DACH1: variants seen among roughly 807,000 people sequenced by gnomAD.
DACH1 encodes the protein dachshund family transcription factor 1.
A neutral mutation model predicts 54.2 loss-of-function variants in DACH1; 12 were observed. The ratio of observed to expected loss-of-function variants is 0.22; its 90% CI spans 0.14 to 0.36. DACH1 has a LOEUF of 0.36. Ranked by LOEUF, DACH1 falls within the 10% of genes least tolerant of loss-of-function variation. DACH1 has a pLI of 1.00. For synonymous variants in DACH1, 386 were observed against 366.2 expected (o/e 1.05, Z -0.62); for missense variants, 805 against 929.8 (o/e 0.87, Z 1.75).
chr13:71,856,797 G>C (rs1021707763), intron 1 of DACH1, among the ~76,000 whole-genome samples: 4 of 151,824 alleles, frequency 2.6e-5, no homozygotes, highest in Admixed American at 6.6e-5. Context: ...AATTTAACTG[G>C]ATCTTTACTA....
intron 1 of DACH1, among the ~76,000 whole-genome samples, chr13:71,775,748 A>C (rs1566492795): frequency 6.6e-6 from 1 of 152,152 alleles, no homozygotes; most frequent in Non-Finnish European, 1.5e-5. Context: ...ACTGAATTTA[A>C]ATTTTTTGTT....
intron 1 of DACH1, among the ~76,000 whole-genome samples, chr13:71,792,116 G>A (rs1886858317): frequency 6.6e-6 from 1 of 151,898 alleles, no homozygotes; most frequent in African/African-American, 2.4e-5. Flanking sequence ...CCGGATTGTG[G>A]TATTGAGACC....
intron 1 of DACH1, among the ~76,000 whole-genome samples, chr13:71,780,650 A>G (rs531773807): frequency 2.2e-4 from 33 of 152,190 alleles, no homozygotes; most frequent in African/African-American, 7.5e-4. Flanking sequence ...CATCTCAAAA[A>G]AAAAAAAAAA....
rs113024451 is a variant in DACH1, at chr13:71,810,881, C to T, written c.848+55041G>A. Among the ~76,000 whole-genome samples, 1,051 of 152,210 alleles carry T rather than the reference C, an allele frequency of 6.9e-3. 10 individuals are homozygous for T. Among genetic ancestry groups the T allele is most frequent in the African/African-American group, 0.022 (917 of 41,542 alleles). On this transcript the variant is annotated intron_variant, in intron 1 of 10. Transcript: ENST00000613252. Reference sequence around the variant, plus strand: ...TTAATTTGTGTGTTTTGCTTAGTTGCTAATTCCCAAAATACTGTAATCTGC... The same window carrying T: ...TTAATTTGTGTGTTTTGCTTAGTTGTTAATTCCCAAAATACTGTAATCTGC...
At chr13:71,791,563 T>C (rs1027637096) in intron 1 of DACH1, among the ~76,000 whole-genome samples, 1 of 152,082 alleles carries the variant, frequency 6.6e-6, no homozygotes, top group Non-Finnish European at 1.5e-5. Flanking sequence ...TGTGTATTTT[T>C]AGTAGACATG....
At chr13:71,725,557 C>T (rs543927367) in intron 1 of DACH1, among the ~76,000 whole-genome samples, 13 of 152,000 alleles carry the variant, frequency 8.6e-5, no homozygotes, top group African/African-American at 2.2e-4. Flanking sequence ...TGCTAAATAT[C>T]TTAAAATTTG....
At chr13:71,668,994 T>A (rs893137366) in intron 2 of DACH1, among the ~76,000 whole-genome samples, 1 of 152,138 alleles carries the variant, frequency 6.6e-6, no homozygotes, top group Non-Finnish European at 1.5e-5. Context: ...AAAGAACCCA[T>A]AATTCCCAGA....
chr13:71,556,872 T>C (rs1404086664), intron 6 of DACH1, 152 bp downstream of exon 6: 2 of 717,878 alleles, frequency 2.8e-6, no homozygotes, highest in East Asian at 6.8e-5. Flanking sequence ...GTTGAATGAA[T>C]AGGTTTAATT....
chr13:71,591,239 T>A (rs1488069311), intron 3 of DACH1, among the ~76,000 whole-genome samples: 1 of 152,042 alleles, frequency 6.6e-6, no homozygotes, highest in East Asian at 1.9e-4. Context: ...TTCCACTGAC[T>A]ATAAGCAATT....
intron 3 of DACH1, among the ~76,000 whole-genome samples, chr13:71,616,705 C>T (rs915642663): frequency 1.3e-5 from 2 of 151,880 alleles, no homozygotes; most frequent in African/African-American, 4.8e-5. Flanking sequence ...CACTGCACTC[C>T]AGCCTGAATG....
intron 1 of DACH1, among the ~76,000 whole-genome samples, chr13:71,682,135 G>A (rs1005648240): frequency 1.3e-5 from 2 of 152,094 alleles, no homozygotes; most frequent in East Asian, 1.9e-4. Context: ...CCTGCACCTC[G>A]TTACCTGCTT....
At chr13:71,471,489 G>C (rs1011423738) in intron 10 of DACH1, among the ~76,000 whole-genome samples, 1 of 152,032 alleles carries the variant, frequency 6.6e-6, no homozygotes, top group African/African-American at 2.4e-5. Context: ...GGCCAGGAGC[G>C]GTGGCTCACG....
chr13:71,520,134 T>C (rs1315895861), intron 6 of DACH1, among the ~76,000 whole-genome samples: 2 of 151,210 alleles, frequency 1.3e-5, no homozygotes, highest in Non-Finnish European at 3.0e-5. Context: ...GAAGTCAAAT[T>C]TGGGTTTCTT....
intron 1 of DACH1, among the ~76,000 whole-genome samples, chr13:71,684,823 CA>C (rs1187807328): frequency 1.3e-5 from 2 of 152,002 alleles, no homozygotes; most frequent in African/African-American, 2.4e-5. Context: ...CCATTTCTCC[CA>C]AATCCTTCAA....
intron 3 of DACH1, among the ~76,000 whole-genome samples, chr13:71,580,694 T>G (rs1327744429): frequency 6.6e-6 from 1 of 152,170 alleles, no homozygotes; most frequent in Non-Finnish European, 1.5e-5. Context: ...ATTTAAGTAT[T>G]AATTTATCTC....
rs1203904859 is a variant in DACH1, at chr13:71,559,948, A to T, written c.1307T>A (p.Val436Asp). Residue 436 changes from valine (V) to aspartate (D), a missense_variant, in exon 5 of 11, where the codon GTT becomes GAT. Val to Asp is a radical substitution (Grantham distance 152). Coordinates refer to ENST00000613252, the MANE Select transcript of DACH1 (RefSeq NM_080759.6). The part of the protein sequence containing the change: ...RVETSVIKER[V>D]PDSPSPAPSL... ...GGGGGCAGGTGAGGGGCTATCAGGA[A>T]CACGCTCCTGCACCAGCAAGAGAGG... 6.4e-7 allele frequency: 1 copy of T among 1,574,628 alleles called. No individual in the cohort carries two copies. Among genetic ancestry groups the T allele is most frequent in the Non-Finnish European group, 8.6e-7 (1 of 1,161,816 alleles).
At chr13:71,804,343 A>G (rs911175886) in intron 1 of DACH1, among the ~76,000 whole-genome samples, 2 of 152,118 alleles carry the variant, frequency 1.3e-5, no homozygotes, top group Non-Finnish European at 2.9e-5. Flanking sequence ...ATGCTACTAT[A>G]GGAGACAGCA....
At position 71,496,261 on chromosome 13, in the gene DACH1, G is replaced by GTATA. The variant is rs35142229; in HGVS notation, c.1571-7117_1571-7114dup. ...TCCCAAAAAACAAAAAAATTGCTAT[G>GTATA]TATATATATATATATATATATATAT... On this transcript the variant is annotated intron_variant, in intron 6 of 10. Coordinates refer to ENST00000613252, the MANE Select transcript of DACH1 (RefSeq NM_080759.6). 7.1e-3 allele frequency among the ~76,000 whole-genome samples: 264 copies of GTATA among 37,050 alleles called. 5 individuals carry two copies. Among genetic ancestry groups the GTATA allele is most frequent in the African/African-American group, 9.7e-3 (75 of 7,758 alleles). The allele number at this position is 37,050 out of a possible 152,430, so 24.3% of individuals were successfully genotyped here.
At chr13:71,637,223 T>C (rs2138586721) in intron 2 of DACH1, among the ~76,000 whole-genome samples, 1 of 152,178 alleles carries the variant, frequency 6.6e-6, no homozygotes, top group Non-Finnish European at 1.5e-5. Context: ...TTTTCATCTC[T>C]AAACAGAGGG....
Sources: gnomAD v4.1 joint callset for allele counts (sites outside exome capture counted in the v4.1 genomes callset) on GRCh38, gnomAD v4.1.1 for gene constraint, MANE v1.5 for transcripts, NCBI Gene and HGNC (gene_info 2026-07-23, HGNC 2026-07-21) for gene names.